The following DIAPH2 variants were observed in gnomAD, a reference collection of about 807,000 sequenced individuals.
The protein encoded by DIAPH2 is protein diaphanous homolog 2.
DIAPH2 carries 35 observed loss-of-function variants against 92.7 expected under a neutral mutation model. The ratio of observed to expected loss-of-function variants is 0.38; its 90% CI spans 0.29 to 0.50. The LOEUF (loss-of-function observed/expected upper bound fraction) is 0.50. DIAPH2 is among the 20% of genes least tolerant of loss of function. The pLI is 0.94. For synonymous variants in DIAPH2, 301 were observed against 280.4 expected (o/e 1.07, Z -0.73); for missense variants, 701 against 819.5 (o/e 0.86, Z 1.77).
At chrX:97,019,960 G>A (rs150126423) in intron 17 of DIAPH2, among the ~76,000 whole-genome samples, 4,059 of 112,020 alleles carry the variant, frequency 0.036, 89 homozygotes, top group Middle Eastern at 0.084. Context: ...GTAATGCCAC[G>A]ACTCCTGTAT....
intron 17 of DIAPH2, among the ~76,000 whole-genome samples, chrX:97,024,200 T>A: frequency 8.9e-6 from 1 of 112,286 alleles, no homozygotes; most frequent in Admixed American, 9.4e-5. Flanking sequence ...TAATTTACAT[T>A]TAAGGTATTT....
intron 23 of DIAPH2, among the ~76,000 whole-genome samples, chrX:97,347,662 T>A: frequency 9.0e-6 from 1 of 111,398 alleles, no homozygotes; most frequent in Admixed American, 9.6e-5. Flanking sequence ...TCAAGTTATT[T>A]TGGGCTAAAA....
At chrX:97,434,737 G>A (rs1273997517) in intron 26 of DIAPH2, among the ~76,000 whole-genome samples, 1 of 111,593 alleles carries the variant, frequency 9.0e-6, no homozygotes, top group East Asian at 2.8e-4. Flanking sequence ...TTAAGATCAA[G>A]AAAAGGAGTG....
intron 19 of DIAPH2, among the ~76,000 whole-genome samples, chrX:97,098,944 G>A (rs2066887402): frequency 8.9e-6 from 1 of 112,252 alleles, no homozygotes; most frequent in African/African-American, 3.2e-5. Flanking sequence ...TTAAAAATAG[G>A]ATTGTATTGT....
chrX:97,173,754 A>G, intron 22 of DIAPH2, among the ~76,000 whole-genome samples: 1 of 110,410 alleles, frequency 9.1e-6, no homozygotes, highest in Middle Eastern at 4.6e-3. Context: ...GAAAAAATAC[A>G]AAAATTAGCT....
chrX:97,250,681 C>G (rs1310411887), intron 23 of DIAPH2, among the ~76,000 whole-genome samples: 5 of 111,802 alleles, frequency 4.5e-5, no homozygotes, highest in Non-Finnish European at 5.6e-5. Flanking sequence ...AGTGTAGGCA[C>G]TCAGTAAATA....
chrX:97,412,821 C>A (rs184464794), intron 25 of DIAPH2, among the ~76,000 whole-genome samples: 1 of 111,928 alleles, frequency 8.9e-6, no homozygotes, highest in Non-Finnish European at 1.9e-5. Context: ...GGATAAATTC[C>A]TGGACACATA....
chrX:96,915,115 G>C (rs1368118217), intron 7 of DIAPH2, among the ~76,000 whole-genome samples: 2 of 110,531 alleles, frequency 1.8e-5, no homozygotes, highest in East Asian at 2.8e-4. Flanking sequence ...CTGATGTTTG[G>C]ATTAATGATT....
chrX:97,292,898 A>G (rs2068606152), intron 23 of DIAPH2, among the ~76,000 whole-genome samples: 2 of 111,632 alleles, frequency 1.8e-5, no homozygotes, highest in Non-Finnish European at 3.8e-5. Context: ...TAAACTAAAT[A>G]ATAGCCATTT....
intron 17 of DIAPH2, among the ~76,000 whole-genome samples, chrX:97,028,335 C>T (rs2066349147): frequency 9.0e-6 from 1 of 110,975 alleles, no homozygotes; most frequent in Non-Finnish European, 1.9e-5. Flanking sequence ...TACCTTCTAA[C>T]CTTTTCTCTC....
intron 20 of DIAPH2, among the ~76,000 whole-genome samples, chrX:97,103,613 T>C (rs1569301922): frequency 8.9e-6 from 1 of 112,030 alleles, no homozygotes; most frequent in Non-Finnish European, 1.9e-5. Flanking sequence ...ACCATTACAA[T>C]ATACATTTAT....
intron 26 of DIAPH2, among the ~76,000 whole-genome samples, chrX:97,585,010 C>G (rs1265940695): frequency 8.9e-6 from 1 of 112,066 alleles, no homozygotes; most frequent in African/African-American, 3.2e-5. Flanking sequence ...AAAATTTTCT[C>G]TCTTCAAATT....
intron 4 of DIAPH2, among the ~76,000 whole-genome samples, chrX:96,840,422 C>T (rs566500976): frequency 9.9e-5 from 11 of 111,361 alleles, no homozygotes; most frequent in African/African-American, 2.9e-4. Context: ...AGCCCATAAC[C>T]TGGGGTAGGG....
At chrX:96,953,979 T>C (rs1454786993) in intron 15 of DIAPH2, 3 of 111,929 alleles carry the variant, frequency 2.7e-5, no homozygotes, top group Non-Finnish European at 3.8e-5. Context: ...AAACAAAATA[T>C]AGAATTTCAG....
chrX:97,146,896 G>C (rs552564954), intron 22 of DIAPH2, among the ~76,000 whole-genome samples: 16 of 111,871 alleles, frequency 1.4e-4, no homozygotes, highest in African/African-American at 4.5e-4. Context: ...GATCCCTACA[G>C]GATTATTTTC....
At chrX:96,735,220 T>C (rs1460019782) in intron 1 of DIAPH2, among the ~76,000 whole-genome samples, 1 of 112,007 alleles carries the variant, frequency 8.9e-6, no homozygotes, top group Non-Finnish European at 1.9e-5. Context: ...ATATTTCTAA[T>C]TTATTTATAA....
intron 5 of DIAPH2, among the ~76,000 whole-genome samples, chrX:96,897,840 G>A (rs1215074905): frequency 1.0e-4 from 9 of 86,562 alleles, no homozygotes; most frequent in African/African-American, 3.8e-4. Context: ...TCGTCATTTA[G>A]CATTAGGTAT....
At chrX:97,564,141 T>C (rs2071311395) in intron 26 of DIAPH2, among the ~76,000 whole-genome samples, 1 of 112,070 alleles carries the variant, frequency 8.9e-6, no homozygotes, top group Non-Finnish European at 1.9e-5. Context: ...GTGAGAAGCT[T>C]CAAAGAGCTG....
Position 97,600,101 on chromosome X carries a change from C to CTATT in DIAPH2, c.*786_*789dup, listed in dbSNP as rs1447144238. The CTATT allele has an allele frequency of 2.7e-5, 3 of 112,509 alleles. No homozygotes were observed. The highest frequency in any genetic ancestry group is 9.7e-5 in the African/African-American group (3 of 30,950). The allele number at this position is 112,509 out of a possible 1,213,427, so 9.3% of individuals were successfully genotyped here. A position where few individuals can be genotyped will look rare whatever the true frequency, so the allele number is the denominator to read the frequency against. On this transcript the variant is annotated 3_prime_UTR_variant, in exon 27 of 27. Transcript: ENST00000324765. Reference sequence around the variant, plus strand: ...TACTTTATACAAATACTTTATATGGCTATTTTTGAGAAAACCCTCACATTT... The same window carrying CTATT: ...TACTTTATACAAATACTTTATATGGCTATTTATTTTTGAGAAAACCCTCACATTT...
Sources: allele counts gnomAD v4.1 joint callset (sites outside exome capture counted in the v4.1 genomes callset), GRCh38; gene constraint gnomAD v4.1.1; transcripts MANE v1.5; gene names NCBI Gene and HGNC (gene_info 2026-07-23, HGNC 2026-07-21).